Variants in KCTD5 observed in about 807,000 individuals in gnomAD.
KCTD5 encodes the protein BTB/POZ domain-containing protein KCTD5.
KCTD5 carries 12 observed loss-of-function variants against 27.9 expected under a neutral mutation model. The observed-to-expected ratio is 0.43, with a 90% CI of 0.28 to 0.70. The LOEUF is 0.70. KCTD5 is among the 30% of genes least tolerant of loss of function. The probability of loss-of-function intolerance (pLI) is 0.19; values close to 1 mark genes in which losing one functional copy is unlikely to be tolerated. For missense variants in KCTD5, 226 were observed against 274.8 expected, an observed-to-expected ratio of 0.82 and a Z score of 1.26; for synonymous variants, 147 against 121.4, an observed-to-expected ratio of 1.21 and a Z score of -1.39.
intron 5 of KCTD5, among the ~76,000 whole-genome samples, chr16:2,705,233 A>G (rs1416249004): frequency 6.6e-6 from 1 of 151,642 alleles, no homozygotes; most frequent in Non-Finnish European, 1.5e-5. Flanking sequence ...GCCCCAGCTG[A>G]CCCTTGCCAC....
chr16:2,699,333 A>G (rs1226019159), intron 3 of KCTD5: 4 of 414,742 alleles, frequency 9.6e-6, no homozygotes, highest in Non-Finnish European at 1.5e-5. Flanking sequence ...TAGGAGGTGG[A>G]TGGAGTTTTA....
chr16:2,704,351 C>T (rs373840960), intron 5 of KCTD5, among the ~76,000 whole-genome samples: 12 of 152,190 alleles, frequency 7.9e-5, no homozygotes, highest in African/African-American at 2.9e-4. Flanking sequence ...GGTGTCCCTG[C>T]AGCATGTGTG....
chr16:2,686,946 C>T (rs980760496), intron 1 of KCTD5, among the ~76,000 whole-genome samples: 2 of 152,168 alleles, frequency 1.3e-5, no homozygotes, highest in Non-Finnish European at 2.9e-5. Context: ...CAGTTTGAGG[C>T]CGTTAGTGGG....
chr16:2,682,573 C>A lies in KCTD5; in HGVS notation c.25C>A (p.Leu9Met), dbSNP rs201544210. 13 of 1,415,660 alleles carry A rather than the reference C, an allele frequency of 9.2e-6. No individual in the cohort carries two copies. Among genetic ancestry groups the A allele is most frequent in the African/African-American group, 6.0e-5 (4 of 66,896 alleles). The allele number at this position is 1,415,660 out of a possible 1,614,324, so 87.7% of individuals were successfully genotyped here. ...CATGGCGGAGAATCACTGCGAGCTC[C>A]TGTCGCCGGCCCGGGGCGGCATCGG... MAENHCEL[L>M]SPARGGIGAG... Residue 9 changes from leucine (L) to methionine (M), a missense_variant, in exon 1 of 6, where the codon CTG (leucine) becomes ATG (methionine). Physicochemically the swap from Leu to Met is conservative, Grantham distance 15. Around this residue, in one of 2 missense-constraint regions of KCTD5, gnomAD observed 91 missense variants for 67.8 expected, o/e 1.34. Transcript: ENST00000301738.
intron 5 of KCTD5, 51 bp downstream of exon 5, chr16:2,702,529 C>T (rs571478279): frequency 6.3e-7 from 1 of 1,595,526 alleles, no homozygotes; most frequent in African/African-American, 1.3e-5. Context: ...GGGGAAGGCT[C>T]TTGCCCTCTC....
chr16:2,702,036 C>G lies in KCTD5; in HGVS notation c.550-317C>G, dbSNP rs1280393755. Reference sequence around the variant, plus strand: ...CACTCTCCTCCCGCTGCCCCCCTCCCTCCGCCCCAGCTCAGGGACCCGTCT... The same window carrying G: ...CACTCTCCTCCCGCTGCCCCCCTCCGTCCGCCCCAGCTCAGGGACCCGTCT... On this transcript the variant is annotated intron_variant, in intron 4 of 5. Transcript: ENST00000301738. Among the ~76,000 whole-genome samples, 5 of 152,220 alleles carry G rather than the reference C, an allele frequency of 3.3e-5. No individual in the cohort carries two copies. In the East Asian group the frequency reaches 9.6e-4, roughly 29 times the overall value.
intron 1 of KCTD5, chr16:2,684,354 A>G (rs2067530753): frequency 6.6e-6 from 1 of 152,212 alleles, no homozygotes; most frequent in Admixed American, 6.5e-5. Flanking sequence ...AGACTTTGTT[A>G]AAAATTATGG....
rs1057364367 is a variant in KCTD5, at chr16:2,708,799, G to A, written c.*1472G>A. The A allele has an allele frequency of 6.6e-6, 1 of 152,138 alleles. No homozygotes were observed. The highest frequency in any genetic ancestry group is 1.5e-5 in the Non-Finnish European group (1 of 68,024). The allele number at this position is 152,138 out of a possible 1,614,324, so 9.4% of individuals were successfully genotyped here. A position where few individuals can be genotyped will look rare whatever the true frequency, so the allele number is the denominator to read the frequency against. On this transcript the variant is annotated 3_prime_UTR_variant, in exon 6 of 6. Coordinates refer to ENST00000301738, the MANE Select transcript of KCTD5 (RefSeq NM_018992.4). ...GGAAGGCGGCCGCTGGGGCTCCTGG[G>A]CATCCTCTCTGGGGAGCTGCTGGCC... is the stretch of plus-strand genomic sequence containing the variant.
rs1272842650 is a variant in KCTD5 at position 2,682,582 on chromosome 16, G to T, written c.34G>T (p.Ala12Ser). 4 of 1,418,142 alleles carry T rather than the reference G, an allele frequency of 2.8e-6. No individual in the cohort carries two copies. The highest frequency in any genetic ancestry group is 3.6e-5 in the South Asian group (2 of 56,292). The allele number at this position is 1,418,142 out of a possible 1,614,324, so 87.8% of individuals were successfully genotyped here. A position where few individuals can be genotyped will look rare whatever the true frequency, so the allele number is the denominator to read the frequency against. The part of the protein sequence containing the change: ...AENHCELLSP[A>S]RGGIGAGLGG... ...GAATCACTGCGAGCTCCTGTCGCCG[G>T]CCCGGGGCGGCATCGGGGCGGGGCT... The change falls in exon 1 of 6, where the codon GCC becomes TCC. Residue 12 changes from alanine (A) to serine (S), a missense_variant. By Grantham distance (99) the Ala-to-Ser change is moderately conservative. This residue lies in a region of KCTD5 where 91 missense variants were observed against 67.8 expected (regional missense o/e 1.34). Transcript: ENST00000301738.
intron 1 of KCTD5, among the ~76,000 whole-genome samples, chr16:2,691,754 G>A (rs554134286): frequency 1.6e-4 from 24 of 152,296 alleles, no homozygotes; most frequent in Non-Finnish European, 3.4e-4. Context: ...GGCTCCCAGC[G>A]AGGTTGGCAA....
chr16:2,687,969 T>G (rs1286923854), intron 1 of KCTD5, among the ~76,000 whole-genome samples: 10 of 151,964 alleles, frequency 6.6e-5, no homozygotes, highest in Admixed American at 5.9e-4. Context: ...AGCATCTTCC[T>G]TGGAGTTGGG....
chr16:2,704,802 G>C (rs905981111), intron 5 of KCTD5, among the ~76,000 whole-genome samples: 5 of 152,220 alleles, frequency 3.3e-5, no homozygotes, highest in Admixed American at 6.5e-5. Flanking sequence ...GGGGTCCACA[G>C]AGCCCACGCA....
At chr16:2,698,847 G>A (rs945734513) in intron 3 of KCTD5, among the ~76,000 whole-genome samples, 3 of 152,190 alleles carry the variant, frequency 2.0e-5, no homozygotes, top group African/African-American at 7.2e-5. Context: ...TGCGTCCCGC[G>A]CCCCGGGTCA....
intron 1 of KCTD5, chr16:2,685,673 G>GA (rs1432827537): frequency 1.3e-5 from 2 of 148,402 alleles, no homozygotes; most frequent in Admixed American, 1.3e-4. Context: ...GGAATCTGAG[G>GA]AGGGGGGGAA....
Position 2,698,140 on chromosome 16 carries a change from C to T in KCTD5, c.453+143C>T, listed in dbSNP as rs1292868701. ...TGAGACCCTTGTCCTCTGTCACTGC[C>T]CCAGTGCCTGCCAGCTCCGTCTACC... On this transcript the variant is annotated intron_variant, in intron 3 of 5. Transcript: ENST00000301738. 4 of 621,964 alleles carry T rather than the reference C, an allele frequency of 6.4e-6. No homozygotes were observed. In the African/African-American group the frequency reaches 7.4e-5, roughly 12 times the overall value. The allele number at this position is 621,964 out of a possible 1,614,324, so 38.5% of individuals were successfully genotyped here.
intron 2 of KCTD5, among the ~76,000 whole-genome samples, chr16:2,697,594 G>T (rs1264139049): frequency 6.6e-6 from 1 of 152,240 alleles, no homozygotes; most frequent in African/African-American, 2.4e-5. Context: ...ACGCTGAGCT[G>T]CATGTAAGCA....
At chr16:2,691,992 G>T (rs538282177) in intron 1 of KCTD5, among the ~76,000 whole-genome samples, 16 of 152,186 alleles carry the variant, frequency 1.1e-4, no homozygotes, top group Non-Finnish European at 2.1e-4. Context: ...ACACAGGTGC[G>T]TCCGGGGGCT....
chr16:2,687,068 C>A (rs2067542515), intron 1 of KCTD5, among the ~76,000 whole-genome samples: 1 of 152,172 alleles, frequency 6.6e-6, no homozygotes, highest in Non-Finnish European at 1.5e-5. Context: ...TGCGATGGTC[C>A]CTGCGGTGCT....
rs117249074 is a variant in KCTD5 at position 2,698,777 on chromosome 16, T to C, written c.453+780T>C. On this transcript the variant is annotated intron_variant, in intron 3 of 5. Coordinates refer to ENST00000301738, the MANE Select transcript of KCTD5 (RefSeq NM_018992.4). Reference sequence around the variant, plus strand: ...CGACTTGCCCAGTTCCCCCTCCTGCTGGAGCTCCCTTGGTGCCACTGAGGG... The same window carrying C: ...CGACTTGCCCAGTTCCCCCTCCTGCCGGAGCTCCCTTGGTGCCACTGAGGG... 7.6e-4 allele frequency among the ~76,000 whole-genome samples: 116 copies of C among 152,348 alleles called. No individual in the cohort carries two copies. The East Asian group carries it at 0.022, about 29-fold the overall frequency.
Sources: gnomAD v4.1 joint callset for allele counts (sites outside exome capture counted in the v4.1 genomes callset) on GRCh38, gnomAD v4.1.1 for gene constraint, gnomAD v4.1.1 regional missense constraint, MANE v1.5 for transcripts, NCBI Gene and HGNC (gene_info 2026-07-23, HGNC 2026-07-21) for gene names.